Variants in CCDC148 observed in about 807,000 individuals in gnomAD.
CCDC148 encodes the protein coiled-coil domain-containing protein 148.
Under a neutral mutation model 85.7 loss-of-function variants are expected in CCDC148, and 89 were observed. The observed-to-expected ratio is 1.04, with a 90% confidence interval of 0.87 to 1.24. CCDC148 has a LOEUF of 1.24. Ranked by LOEUF, CCDC148 falls within the 50% of genes most tolerant of loss-of-function variation. The pLI is 0.00. For synonymous variants in CCDC148, 230 were observed against 213.9 expected, an observed-to-expected ratio of 1.08 and a Z score of -0.66; for missense variants, 692 against 671.7, an observed-to-expected ratio of 1.03 and a Z score of -0.33.
chr2:158,403,596 C>G (rs971064554), intron 1 of CCDC148, among the ~76,000 whole-genome samples: 2 of 151,924 alleles, frequency 1.3e-5, no homozygotes, highest in African/African-American at 4.8e-5. Flanking sequence ...TCCACTGTTC[C>G]TAATGCACCC....
chr2:158,396,665 A>G (rs1021833266), intron 1 of CCDC148, among the ~76,000 whole-genome samples: 11 of 152,162 alleles, frequency 7.2e-5, no homozygotes, highest in Admixed American at 6.6e-4. Flanking sequence ...TACAAGAGAA[A>G]TAGTGACAGA....
intron 9 of CCDC148, among the ~76,000 whole-genome samples, chr2:158,251,223 G>C (rs115251471): frequency 0.022 from 3,280 of 151,592 alleles, 37 homozygotes; most frequent in South Asian, 0.029. Context: ...AAAATTTCTG[G>C]TTTTGCCTAT....
chr2:158,339,533 C>A (rs532463835), intron 5 of CCDC148, among the ~76,000 whole-genome samples: 63 of 151,998 alleles, frequency 4.1e-4, no homozygotes, highest in African/African-American at 1.5e-3. Context: ...ACATAGCACA[C>A]CTATACTCAA....
At chr2:158,269,844 T>C (rs1433779540) in intron 9 of CCDC148, among the ~76,000 whole-genome samples, 1 of 152,242 alleles carries the variant, frequency 6.6e-6, no homozygotes, top group Non-Finnish European at 1.5e-5. Flanking sequence ...AGCCCTTGTC[T>C]TGGGCTCCAC....
At chr2:158,202,162 A>T (rs550238178) in intron 11 of CCDC148, among the ~76,000 whole-genome samples, 1 of 152,346 alleles carries the variant, frequency 6.6e-6, no homozygotes, top group Non-Finnish European at 1.5e-5. Flanking sequence ...AGAAAGAAAA[A>T]TATTGTCATT....
chr2:158,366,705 G>A (rs745476680), intron 1 of CCDC148, among the ~76,000 whole-genome samples: 2 of 152,168 alleles, frequency 1.3e-5, no homozygotes, highest in African/African-American at 2.4e-5. Context: ...TTCCTGCCAC[G>A]CTGGCCTAGA....
chr2:158,277,281 G>A (rs1354215640), intron 9 of CCDC148, among the ~76,000 whole-genome samples: 2 of 152,156 alleles, frequency 1.3e-5, no homozygotes, highest in Non-Finnish European at 2.9e-5. Context: ...TCACAGCAGG[G>A]TTGGCTATTT....
At chr2:158,383,755 A>ATTCTT (rs1437669134) in intron 1 of CCDC148, among the ~76,000 whole-genome samples, 4 of 152,174 alleles carry the variant, frequency 2.6e-5, no homozygotes, top group Non-Finnish European at 5.9e-5. Context: ...AAACAAGGAC[A>ATTCTT]TTCTACTACA....
rs751087631 is a variant in CCDC148, at chr2:158,234,053, A to G, written c.1252-13340T>C. On this transcript the variant is annotated intron_variant, in intron 10 of 13. Coordinates refer to ENST00000283233, the MANE Select transcript of CCDC148 (RefSeq NM_138803.4). ...TAGCTGGGCATGGTGGTGTGTGCCT[A>G]ATATCCCAGATACTTGGGAGGCTGA... Among the ~76,000 whole-genome samples the G allele has an allele frequency of 3.3e-5, 5 of 151,920 alleles. 1 individual carries two copies. The highest frequency in any genetic ancestry group is 4.4e-5 in the Non-Finnish European group (3 of 67,960).
chr2:158,423,016 C>T lies in CCDC148; in HGVS notation c.25+33399G>A, dbSNP rs190298035. Among the ~76,000 whole-genome samples, 742 of 152,260 alleles carry T rather than the reference C, an allele frequency of 4.9e-3. 3 individuals are homozygous for T. The highest frequency in any genetic ancestry group is 0.017 in the African/African-American group (706 of 41,540). ...GAGAATAAAATACCTAGGAATCCAA[C>T]TTACAAGGGACATAAAGGACCTCTT... On this transcript the variant is annotated intron_variant, in intron 1 of 13. Transcript: ENST00000283233.
intron 2 of CCDC148, among the ~76,000 whole-genome samples, chr2:158,350,351 T>C (rs1016623539): frequency 6.6e-6 from 1 of 152,172 alleles, no homozygotes; most frequent in Non-Finnish European, 1.5e-5. Flanking sequence ...TTTTGGTACA[T>C]CTCGAATGGA....
In CCDC148 at chr2:158,176,533, G is replaced by T. The variant is rs764414279; in HGVS notation, c.1617C>A (p.Tyr539Ter). 2 of 1,611,540 alleles carry T rather than the reference G, an allele frequency of 1.2e-6. No homozygotes were observed. The highest frequency in any genetic ancestry group is 3.3e-5 in the Admixed American group (2 of 59,840). The stretch of plus-strand genomic sequence containing the variant: ...TTTCCATAATTACCTGCTGTTCATT[G>T]TATGTATTCAATGTGAAGAGTGGCT... ...LQKPLFTLNT[Y>*]NEQQIISDPR... Residue 539 changes from tyrosine to a stop codon, truncating the protein, a stop_gained, in exon 13 of 14, where the codon TAC (tyrosine) becomes TAA (stop). Coordinates refer to ENST00000283233, the MANE Select transcript of CCDC148 (RefSeq NM_138803.4). LOFTEE classifies it high-confidence loss of function.
At position 158,434,391 on chromosome 2, in the gene CCDC148, G is replaced by C. The variant is rs545756452; in HGVS notation, c.25+22024C>G. Among the ~76,000 whole-genome samples the C allele has an allele frequency of 3.3e-5, 5 of 152,302 alleles. No homozygotes were observed. The East Asian group carries it at 7.7e-4, about 24-fold the overall frequency. On this transcript the variant is annotated intron_variant, in intron 1 of 13. Transcript: ENST00000283233. Reference sequence around the variant, plus strand: ...AGTGGACCTCCAGCAAACTCCAACAGACCTGCAGCTGAGGGTCCTGACTGT... The same window carrying C: ...AGTGGACCTCCAGCAAACTCCAACACACCTGCAGCTGAGGGTCCTGACTGT...
chr2:158,267,169 C>T (rs1275211243), intron 9 of CCDC148, among the ~76,000 whole-genome samples: 2 of 152,006 alleles, frequency 1.3e-5, no homozygotes, highest in African/African-American at 4.8e-5. Flanking sequence ...CTTTCTTCTC[C>T]CCACATACAA....
At chr2:158,228,684 C>T (rs915663496) in intron 10 of CCDC148, among the ~76,000 whole-genome samples, 6 of 151,974 alleles carry the variant, frequency 3.9e-5, no homozygotes, top group Admixed American at 2.0e-4. Flanking sequence ...TAGAAACCAT[C>T]ATTCTCAGCA....
intron 7 of CCDC148, among the ~76,000 whole-genome samples, chr2:158,331,583 A>T (rs996745695): frequency 9.5e-5 from 14 of 147,998 alleles, no homozygotes; most frequent in Admixed American, 4.0e-4. Context: ...TGTCTCCTTG[A>T]TCTGTCTAAT....
chr2:158,244,947 A>AT (rs1296258457), intron 10 of CCDC148, among the ~76,000 whole-genome samples: 5 of 152,088 alleles, frequency 3.3e-5, no homozygotes, highest in African/African-American at 1.2e-4. Flanking sequence ...TGTGCTCACC[A>AT]TTTTTTCTAC....
intron 3 of CCDC148, among the ~76,000 whole-genome samples, chr2:158,343,379 A>G (rs1408916995): frequency 1.3e-5 from 2 of 152,132 alleles, no homozygotes; most frequent in Non-Finnish European, 2.9e-5. Flanking sequence ...ATCATCTGAG[A>G]CTCAAGATTC....
At chr2:158,228,015 C>G (rs1057395461) in intron 10 of CCDC148, among the ~76,000 whole-genome samples, 1 of 152,140 alleles carries the variant, frequency 6.6e-6, no homozygotes. Context: ...TCAGAGGGAA[C>G]AGACAACCTA....
Sources: gnomAD v4.1 joint callset for allele counts (sites outside exome capture counted in the v4.1 genomes callset) on GRCh38, gnomAD v4.1.1 for gene constraint, MANE v1.5 for transcripts, NCBI Gene and HGNC (gene_info 2026-07-23, HGNC 2026-07-21) for gene names.